The following ZNF544 variants were observed in gnomAD, a reference collection of about 807,000 sequenced individuals.
ZNF544 encodes the protein zinc finger protein AF020591.
In ZNF544, 10 loss-of-function variants were observed where a neutral mutation model predicts 13.5. That is an observed-to-expected ratio of 0.74 (90% CI 0.46 to 1.25). ZNF544 has a LOEUF of 1.25. Among genes scored for constraint, ZNF544 ranks in the 50% most tolerant of loss-of-function variants. The pLI is 0.00. For missense variants in ZNF544, 896 were observed against 845.6 expected (o/e 1.06, Z -0.74); for synonymous variants, 323 against 300.5 (o/e 1.07, Z -0.77).
At chr19:58,233,981 T>G (rs2041884573) in intron 3 of ZNF544, among the ~76,000 whole-genome samples, 2 of 152,216 alleles carry the variant, frequency 1.3e-5, no homozygotes, top group Admixed American at 1.3e-4. Flanking sequence ...CTCCCAATTC[T>G]ATTGCATAAC....
At chr19:58,234,303 C>G (rs1249949018) in intron 3 of ZNF544, among the ~76,000 whole-genome samples, 4 of 152,236 alleles carry the variant, frequency 2.6e-5, no homozygotes, top group Admixed American at 6.5e-5. Context: ...TCTGCCTGTG[C>G]ATTGGGGTGC....
rs371864782 is a variant in ZNF544, at chr19:58,237,962, TTC to T, written c.-59-5999_-59-5998del. On this transcript the variant is annotated intron_variant, in intron 3 of 6. Coordinates refer to ENST00000687789, the MANE Select transcript of ZNF544 (RefSeq NM_014480.4). ...GGGAGTGTCTGGAGATTTTTAAAAC[TTC>T]TCTTGTTGCTCAGACTGGAGTGCAA... 2.6e-3 allele frequency among the ~76,000 whole-genome samples: 396 copies of T among 152,312 alleles called. 3 individuals are homozygous for T. Among genetic ancestry groups the T allele is most frequent in the African/African-American group, 8.1e-3 (336 of 41,574 alleles).
rs193118126 is a variant in ZNF544 at position 58,272,791 on chromosome 19, G to A, written c.245-3532G>A. On this transcript the variant is annotated intron_variant, in intron 5 of 6. Coordinates refer to the ZNF544 transcript ENST00000595981. ...CTGAGGCAGGAGAATTGCTTGAACC[G>A]GGACCTGGGAGGCGGAGGTTGCAGT... Among the ~76,000 whole-genome samples, 1,177 of 138,614 alleles carry A rather than the reference G, an allele frequency of 8.5e-3. 20 individuals are homozygous for A. The highest frequency in any genetic ancestry group is 8.1e-3 in the Non-Finnish European group (542 of 67,218). The allele number at this position is 138,614 out of a possible 152,430, so 90.9% of individuals were successfully genotyped here. A position where few individuals can be genotyped will look rare whatever the true frequency, so the allele number is the denominator to read the frequency against.
chr19:58,257,694 C>A (rs1276289792), intron 6 of ZNF544: 2 of 152,216 alleles, frequency 1.3e-5, no homozygotes. Flanking sequence ...GCCTTAGGCT[C>A]CCTGCCCCCA....
chr19:58,229,283 G>C (rs174282), intron 1 of ZNF544, 185 bp from the exon 2 acceptor site: 3 of 47,252 alleles, frequency 6.3e-5, no homozygotes, highest in Non-Finnish European at 9.6e-5. Flanking sequence ...AACTGGGTGG[G>C]ACTGGGTGGG....
At chr19:58,259,368 A>T (rs1190644499) in intron 6 of ZNF544, 1 of 152,228 alleles carries the variant, frequency 6.6e-6, no homozygotes, top group Non-Finnish European at 1.5e-5. Context: ...TGGAACAGAA[A>T]CTGATATTCT....
At chr19:58,229,925 T>A (rs2040850355) in intron 2 of ZNF544, 1 of 151,624 alleles carries the variant, frequency 6.6e-6, no homozygotes, top group African/African-American at 2.4e-5. Flanking sequence ...CAGGAAGGAG[T>A]GGAGGAAGAC....
rs150156781 is a variant in ZNF544 at position 58,254,392 on chromosome 19, G to A, written c.245-6459G>A. Among the ~76,000 whole-genome samples the A allele has an allele frequency of 1.8e-3, 275 of 152,296 alleles. 1 individual carries two copies. Among genetic ancestry groups the A allele is most frequent in the South Asian group, 3.9e-3 (19 of 4,826 alleles). ...TATCAGGGTCAAATTTATTCCAGTCGTTGAGGATGCAGCCAAGCAGGGAGT... is the reference window on the plus strand; with the variant it reads ...TATCAGGGTCAAATTTATTCCAGTCATTGAGGATGCAGCCAAGCAGGGAGT... On this transcript the variant is annotated intron_variant, in intron 6 of 6. Transcript: ENST00000687789.
At chr19:58,243,020 G>T (rs171852) in intron 3 of ZNF544, among the ~76,000 whole-genome samples, 76,356 of 151,700 alleles carry the variant, frequency 0.5, 19,480 homozygotes, top group Middle Eastern at 0.63. Context: ...AGAGAGGGGG[G>T]TCTCACTTTG....
intron 3 of ZNF544, among the ~76,000 whole-genome samples, chr19:58,243,560 C>G (rs1206441274): frequency 6.6e-6 from 1 of 151,858 alleles, no homozygotes; most frequent in Non-Finnish European, 1.5e-5. Context: ...GAGGGAAGTT[C>G]CCTGCGCCGC....
rs145233590 is a variant in ZNF544, at chr19:58,262,061, G to A, written c.1455G>A (p.Thr485=). 334 of 1,565,270 alleles carry A rather than the reference G, an allele frequency of 2.1e-4. No individual in the cohort carries two copies. The highest frequency in any genetic ancestry group is 1.2e-3 in the Middle Eastern group (7 of 5,824). The change falls in exon 7 of 7, where the codon ACG becomes ACA. Residue 485 remains threonine, a synonymous_variant. Coordinates refer to ENST00000687789, the MANE Select transcript of ZNF544 (RefSeq NM_014480.4). ...ATGAGTTAGTTACACATAAAAGAAC[G>A]CACACTGGAGAAAAACCCTTCAAAT... ...QSYELVTHKR[T]HTGEKPFKCT...
At chr19:58,271,039 C>CT (rs1813001269) in intron 5 of ZNF544, among the ~76,000 whole-genome samples, 1 of 150,792 alleles carries the variant, frequency 6.6e-6, no homozygotes, top group Non-Finnish European at 1.5e-5. Flanking sequence ...TGGTGAAACT[C>CT]TGTCTCTACT....
chr19:58,243,643 C>G, intron 3 of ZNF544, among the ~76,000 whole-genome samples: 1 of 152,134 alleles, frequency 6.6e-6, no homozygotes, highest in East Asian at 1.9e-4. Context: ...AGCTTATGAT[C>G]CATTGTGATA....
intron 6 of ZNF544, among the ~76,000 whole-genome samples, chr19:58,254,989 G>A (rs1482306180): frequency 2.0e-5 from 3 of 151,368 alleles, no homozygotes; most frequent in East Asian, 1.9e-4. Context: ...CCGGGTTCAC[G>A]CCATTCTCCT....
intron 3 of ZNF544, among the ~76,000 whole-genome samples, chr19:58,240,905 A>AG (rs1175830338): frequency 6.6e-6 from 1 of 151,508 alleles, no homozygotes; most frequent in Non-Finnish European, 1.5e-5. Context: ...TTTTTGGGGT[A>AG]GGGGTCATTT....
chr19:58,262,709 T>G lies in ZNF544; in HGVS notation c.2103T>G (p.Ser701=), dbSNP rs947454866. ...GTGGGAAATCCTTCCGGCAGCAATC[T>G]CAACTTGTAGTGCATCGGCGGACAC... ...SDCGKSFRQQ[S]QLVVHRRTHT... The change falls in exon 7 of 7, where the codon TCT becomes TCG. Residue 701 remains serine, a synonymous_variant. Transcript: ENST00000687789. The G allele has an allele frequency of 1.2e-6, 2 of 1,610,874 alleles. No homozygotes were observed. The highest frequency in any genetic ancestry group is 1.3e-5 in the African/African-American group (1 of 74,832).
At chr19:58,270,394 C>T (rs926488354) in intron 5 of ZNF544, among the ~76,000 whole-genome samples, 3 of 151,760 alleles carry the variant, frequency 2.0e-5, no homozygotes, top group South Asian at 2.1e-4. Flanking sequence ...CTCCGCCTCC[C>T]GGGTTCAAGC....
rs191707056 is a variant in ZNF544 at position 58,240,012 on chromosome 19, C to G, written c.-59-3953C>G. On this transcript the variant is annotated intron_variant, in intron 3 of 6. Coordinates refer to ENST00000687789, the MANE Select transcript of ZNF544 (RefSeq NM_014480.4). ...TCCCAGTGGAGTTGCGTAGACAGTGCTTAATTCTCCAAACGACCATGTGGA... is the reference window on the plus strand; with the variant it reads ...TCCCAGTGGAGTTGCGTAGACAGTGGTTAATTCTCCAAACGACCATGTGGA... Among the ~76,000 whole-genome samples the G allele has an allele frequency of 2.8e-3, 430 of 152,240 alleles. 4 individuals carry two copies. The highest frequency in any genetic ancestry group is 9.9e-3 in the African/African-American group (410 of 41,544).
At chr19:58,250,374 G>A (rs1312212780) in intron 6 of ZNF544, among the ~76,000 whole-genome samples, 1 of 152,202 alleles carries the variant, frequency 6.6e-6, no homozygotes, top group Non-Finnish European at 1.5e-5. Context: ...ATAACTAGAT[G>A]TCTGAGGATT....
Sources: gnomAD v4.1 joint callset for allele counts (sites outside exome capture counted in the v4.1 genomes callset) on GRCh38, gnomAD v4.1.1 for gene constraint, MANE v1.5 for transcripts, NCBI Gene and HGNC (gene_info 2026-07-23, HGNC 2026-07-21) for gene names.